ENTREP2: variants seen among roughly 807,000 people sequenced by gnomAD.
ENTREP2 encodes endosomal transmembrane epsin interactor 2.
the ENTREP2 span, among the ~76,000 whole-genome samples, chr15:29,159,752 T>C: frequency 2.7e-4 from 41 of 152,330 alleles, no homozygotes; most frequent in African/African-American, 7.5e-4. Context: ...AGGGTGCTGA[T>C]TGGTGTGTTT....
At chr15:29,140,248 C>A in the ENTREP2 span, among the ~76,000 whole-genome samples, 1 of 152,286 alleles carries the variant, frequency 6.6e-6, no homozygotes, top group Admixed American at 6.5e-5. Flanking sequence ...ATTTTACCCA[C>A]CTCTGTACCC....
At chr15:29,648,936 A>G in the ENTREP2 span, among the ~76,000 whole-genome samples, 10 of 140,836 alleles carry the variant, frequency 7.1e-5, no homozygotes, top group Non-Finnish European at 1.1e-4. Context: ...CGAAAACTCT[A>G]AAAAAAAAAA....
chr15:29,169,685 T>C, the ENTREP2 span, among the ~76,000 whole-genome samples: 1 of 152,208 alleles, frequency 6.6e-6, no homozygotes, highest in Non-Finnish European at 1.5e-5. Flanking sequence ...AGAAAAACTA[T>C]ATGACAATCT....
the ENTREP2 span, among the ~76,000 whole-genome samples, chr15:29,466,941 C>CATCTTCCCCTGGGCCCTT: frequency 7.8e-6 from 1 of 128,038 alleles, no homozygotes; most frequent in South Asian, 2.6e-4. Flanking sequence ...GATGCTGCAG[C>CATCTTCCCCTGGGCCCTT]CCCCAGGGGA....
chr15:29,168,702 TG>T, the ENTREP2 span, among the ~76,000 whole-genome samples: 2 of 152,214 alleles, frequency 1.3e-5, no homozygotes, highest in South Asian at 2.1e-4. Flanking sequence ...AAAATGTCGA[TG>T]GATTTTGGCC....
the ENTREP2 span, among the ~76,000 whole-genome samples, chr15:29,508,929 G>C: frequency 6.6e-6 from 1 of 152,040 alleles, no homozygotes; most frequent in African/African-American, 2.4e-5. Context: ...AGAAATAAAG[G>C]GTATTCAAGT....
chr15:29,662,640 CTCTG>C, the ENTREP2 span, among the ~76,000 whole-genome samples: 1 of 152,166 alleles, frequency 6.6e-6, no homozygotes, highest in Non-Finnish European at 1.5e-5. Flanking sequence ...GTGTTCACAA[CTCTG>C]TCTGCTGGCT....
the ENTREP2 span, among the ~76,000 whole-genome samples, chr15:29,310,531 A>G: frequency 6.6e-6 from 1 of 152,224 alleles, no homozygotes; most frequent in Non-Finnish European, 1.5e-5. Context: ...TTAGACAGTC[A>G]AGGCCAAAGG....
At chr15:29,611,090 G>T in the ENTREP2 span, 1 of 152,170 alleles carries the variant, frequency 6.6e-6, no homozygotes, top group Non-Finnish European at 1.5e-5. Context: ...TCCCATGCAG[G>T]AGATACTTTG....
the ENTREP2 span, among the ~76,000 whole-genome samples, chr15:29,474,327 C>T: frequency 4.8e-4 from 73 of 152,236 alleles, 1 homozygote; most frequent in South Asian, 0.013. Context: ...CTGCGCCCGG[C>T]GTCAGGGCAC....
At chr15:29,417,764 A>G in the ENTREP2 span, among the ~76,000 whole-genome samples, 1 of 152,194 alleles carries the variant, frequency 6.6e-6, no homozygotes, top group East Asian at 1.9e-4. Flanking sequence ...CATATAAATC[A>G]TCTCAAATCA....
At chr15:29,351,902 G>A in the ENTREP2 span, among the ~76,000 whole-genome samples, 1 of 152,030 alleles carries the variant, frequency 6.6e-6, no homozygotes, top group African/African-American at 2.4e-5. Flanking sequence ...ACCTCCCAAA[G>A]CACTGGGATT....
the ENTREP2 span, among the ~76,000 whole-genome samples, chr15:29,596,920 T>A: frequency 6.6e-6 from 1 of 152,160 alleles, no homozygotes; most frequent in Non-Finnish European, 1.5e-5. Flanking sequence ...TCCTCTCATC[T>A]CAGCCTCCCA....
chr15:29,585,670 T>C, the ENTREP2 span, among the ~76,000 whole-genome samples: 103,649 of 151,034 alleles, frequency 0.69, 35,790 homozygotes, highest in South Asian at 0.79. Context: ...TCCTGGCTAA[T>C]ACGGGGAAAC....
chr15:29,140,795 G>A, the ENTREP2 span, among the ~76,000 whole-genome samples: 3 of 152,260 alleles, frequency 2.0e-5, no homozygotes, highest in Non-Finnish European at 4.4e-5. Context: ...ACCTGGAGGT[G>A]GAGGGCAAAA....
the ENTREP2 span, among the ~76,000 whole-genome samples, chr15:29,262,705 A>T: frequency 1.3e-5 from 2 of 152,192 alleles, no homozygotes; most frequent in East Asian, 1.9e-4. Context: ...AGTTGTGTGG[A>T]CTGCTCTTGC....
chr15:29,300,590 T>A, the ENTREP2 span, among the ~76,000 whole-genome samples: 1 of 152,112 alleles, frequency 6.6e-6, no homozygotes, highest in African/African-American at 2.4e-5. Flanking sequence ...GGAAGCGAGG[T>A]ACAGAACATA....
At chr15:29,317,936 C>T in the ENTREP2 span, among the ~76,000 whole-genome samples, 2 of 152,172 alleles carry the variant, frequency 1.3e-5, no homozygotes, top group Non-Finnish European at 2.9e-5. Flanking sequence ...GAGGGTGTGG[C>T]TTTTGCACGG....
chr15:29,273,199 CTT>C, the ENTREP2 span, among the ~76,000 whole-genome samples: 96 of 133,774 alleles, frequency 7.2e-4, 1 homozygote, highest in South Asian at 0.019. Context: ...ATAAATTAAA[CTT>C]TTTTTTTTTT....
Sources: gnomAD v4.1 joint callset for allele counts (sites outside exome capture counted in the v4.1 genomes callset) on GRCh38, gnomAD v4.1.1 for gene constraint, MANE v1.5 for transcripts, NCBI Gene and HGNC (gene_info 2026-07-23, HGNC 2026-07-21) for gene names.